Variants in MUC4 observed in about 807,000 individuals in gnomAD.
MUC4 encodes mucin 4, cell surface associated.
In MUC4, 202 loss-of-function variants were observed where a neutral mutation model predicts 257.9. The ratio of observed to expected loss-of-function variants is 0.78; its 90% CI spans 0.70 to 0.88. The LOEUF (loss-of-function observed/expected upper bound fraction) is 0.88, where lower values mean the gene tolerates loss of function less well. Among genes scored for constraint, MUC4 ranks in the 40% least tolerant of loss-of-function variants. The probability of loss-of-function intolerance (pLI) is 0.00; values close to 1 mark genes in which losing one functional copy is unlikely to be tolerated. For missense variants in MUC4, 5,976 were observed against 6,513.7 expected (o/e 0.92, Z 2.84); for synonymous variants, 2,351 against 2,757.1 (o/e 0.85, Z 4.62).
Position 195,771,045 on chromosome 3 carries a change from GTGGTTGGGTTGGGGTATT to G in MUC4, c.13242+589_13242+606del, listed in dbSNP as rs1560273247. ...GGTTGGGGTATTCCTGGTCAGTCTC[GTGGTTGGGTTGGGGTATT>G]CCTGGTCAGTCTCGTGGCCGGGTTG... On this transcript the variant is annotated intron_variant, in intron 5 of 24. Coordinates refer to ENST00000463781, the MANE Select transcript of MUC4 (RefSeq NM_018406.7). Among the ~76,000 whole-genome samples, 620 of 148,174 alleles carry G rather than the reference GTGGTTGGGTTGGGGTATT, an allele frequency of 4.2e-3. 12 individuals are homozygous for G. The highest frequency in any genetic ancestry group is 5.5e-3 in the African/African-American group (219 of 39,702).
chr3:195,797,427 T>C (rs1204372515), intron 1 of MUC4, among the ~76,000 whole-genome samples: 1 of 152,200 alleles, frequency 6.6e-6, no homozygotes, highest in African/African-American at 2.4e-5. Context: ...AGGAAAGTTA[T>C]TTGATAAAAG....
chr3:195,762,005 G>A (rs557885176), intron 14 of MUC4, 82 bp downstream of exon 14: 7 of 1,447,564 alleles, frequency 4.8e-6, no homozygotes, highest in Admixed American at 4.2e-5. Context: ...AGGCCGAGCA[G>A]GGCTGCCCGG....
Position 195,762,956 on chromosome 3 carries a change from A to G in MUC4, c.14254-11T>C. 6.5e-7 allele frequency: 1 copy of G among 1,545,438 alleles called. No individual in the cohort carries two copies. The highest frequency in any genetic ancestry group is 8.7e-7 in the Non-Finnish European group (1 of 1,143,774). Reference sequence around the variant, plus strand: ...AAGGAGCCATTGGACCTGGAAGGAGATGGGAGGGGGCCTGAGCCCGACCCG... The same window carrying G: ...AAGGAGCCATTGGACCTGGAAGGAGGTGGGAGGGGGCCTGAGCCCGACCCG... On this transcript the variant is annotated splice_polypyrimidine_tract_variant and intron_variant, in intron 12 of 24. Transcript: ENST00000463781.
At position 195,786,050 on chromosome 3, in the gene MUC4, T is replaced by C; in HGVS notation, c.5530A>G (p.Thr1844Ala). 6.6e-7 allele frequency: 1 copy of C among 1,520,602 alleles called. No individual in the cohort carries two copies. The highest frequency in any genetic ancestry group is 8.8e-7 in the Non-Finnish European group (1 of 1,130,014). 94.2% of individuals were successfully genotyped at this position (1,520,602 alleles called of 1,614,324 possible). A position where few individuals can be genotyped will look rare whatever the true frequency, so the allele number is the denominator to read the frequency against. The change falls in exon 2 of 25, where the codon ACC becomes GCC. Residue 1844 changes from threonine to alanine, a missense_variant. By Grantham distance (58) the Thr-to-Ala change is moderately conservative. Around this residue, in one of 44 missense-constraint regions of MUC4, gnomAD observed 31 missense variants for 71.1 expected, o/e 0.44. Coordinates refer to ENST00000463781, the MANE Select transcript of MUC4 (RefSeq NM_018406.7). ...STGDTTSLPV[T>A]IPSSASSGHT... ...CCTGAAGATGCTGAGGAAGGGATGG[T>C]GACAGGAAGAGAGGTGGTGTCACCT...
At chr3:195,809,223 C>T (rs570882773) in intron 1 of MUC4, among the ~76,000 whole-genome samples, 3 of 152,342 alleles carry the variant, frequency 2.0e-5, no homozygotes, top group South Asian at 2.1e-4. Flanking sequence ...ACCCTCATTG[C>T]GGCAGCTCCT....
chr3:195,776,219 TCCATACCTTCCACAC>T (rs1185966624), intron 3 of MUC4, among the ~76,000 whole-genome samples: 4 of 442 alleles, frequency 9.0e-3, no homozygotes, highest in Non-Finnish European at 0.014. Flanking sequence ...ACCTTCCACA[TCCATACCTTCCACAC>T]CCATACCTTC....
rs199910017 is a variant in MUC4 at position 195,787,103 on chromosome 3, T to G, written c.4477A>C (p.Ser1493Arg). The G allele has an allele frequency of 7.9e-7, 1 of 1,260,804 alleles. No individual in the cohort carries two copies. The highest frequency in any genetic ancestry group is 2.3e-5 in the African/African-American group (1 of 44,156). 78.1% of individuals were successfully genotyped at this position (1,260,804 alleles called of 1,614,324 possible). The change falls in exon 2 of 25, where the codon AGC becomes CGC. Residue 1493 changes from serine (S) to arginine (R), a missense_variant. Coordinates refer to ENST00000463781, the MANE Select transcript of MUC4 (RefSeq NM_018406.7). ...TGDTTPLPVTSTSSASTGHVT... is the reference protein window; with the variant it reads ...TGDTTPLPVTRTSSASTGHVT... ...TGACCTGTGGATGCTGAGGAAGTGC[T>G]AGTGACAGGAAGAGGCGTGGTGTCA...
rs779703678 is a variant in MUC4, at chr3:195,788,654, G to A, written c.2926C>T (p.Pro976Ser). Residue 976 changes from proline to serine, a missense_variant, in exon 2 of 25, where the codon CCT (proline) becomes TCT (serine). Pro to Ser is a moderately conservative substitution (Grantham distance 74, BLOSUM62 -1). Coordinates refer to ENST00000463781, the MANE Select transcript of MUC4 (RefSeq NM_018406.7). ...GAGGAAGCGTAGGTGACAGGAAGAG[G>A]GGTGGCGTTGCTGATGAGGGCCGTG... is the stretch of plus-strand genomic sequence containing the variant. ...FTTALISNAT[P>S]LPVTYASSAS... is the part of the protein sequence containing the mutation. The A allele has an allele frequency of 1.6e-5, 26 of 1,610,882 alleles. No homozygotes were observed. Among genetic ancestry groups the A allele is most frequent in the Middle Eastern group, 3.3e-4 (2 of 6,050 alleles).
chr3:195,794,797 A>T (rs1319244205), intron 1 of MUC4, among the ~76,000 whole-genome samples: 1 of 152,222 alleles, frequency 6.6e-6, no homozygotes, highest in East Asian at 1.9e-4. Flanking sequence ...TCAGACAGTA[A>T]CTTAGACTCT....
chr3:195,780,350 GGGTGA>G lies in MUC4; in HGVS notation c.11225_11229del (p.Val3742AlafsTer46). On this transcript the variant is annotated frameshift_variant, in exon 2 of 25. Coordinates refer to ENST00000463781, the MANE Select transcript of MUC4 (RefSeq NM_018406.7). LOFTEE classifies it high-confidence loss of function. ...GAGGAAGTGCTGGTGACAGGAAGAG[GGGTGA>G]CGTGACCTGTGGATGCTGAGGAAGG... is the stretch of plus-strand genomic sequence containing the variant. 1 of 1,292,514 alleles carries G rather than the reference GGGTGA, an allele frequency of 7.7e-7. No homozygotes were observed. Among genetic ancestry groups the G allele is most frequent in the Non-Finnish European group, 1.0e-6 (1 of 982,032 alleles). The allele number at this position is 1,292,514 out of a possible 1,614,324, so 80.1% of individuals were successfully genotyped here.
intron 7 of MUC4, among the ~76,000 whole-genome samples, chr3:195,768,553 T>A (rs1275470210): frequency 1.3e-5 from 2 of 152,236 alleles, no homozygotes; most frequent in Non-Finnish European, 2.9e-5. Flanking sequence ...ATGTTGCCAC[T>A]TCCCAGCTCT....
intron 7 of MUC4, among the ~76,000 whole-genome samples, chr3:195,767,879 A>ACCACCACCACCATCG: frequency 7.0e-6 from 1 of 142,054 alleles, no homozygotes; most frequent in Middle Eastern, 3.4e-3. Flanking sequence ...CACCACCATC[A>ACCACCACCACCATCG]CCACCATCAC....
At chr3:195,752,497 T>C (rs1357867417) in intron 20 of MUC4, 51 bp from the exon 21 acceptor site, 1 of 1,548,360 alleles carries the variant, frequency 6.5e-7, no homozygotes. Context: ...TACCCAGACT[T>C]ACCCAAAAAG....
chr3:195,801,812 C>T (rs372040792), intron 1 of MUC4, among the ~76,000 whole-genome samples: 11 of 151,972 alleles, frequency 7.2e-5, no homozygotes, highest in South Asian at 4.1e-4. Context: ...TGTATTGCGC[C>T]CCCCCCTCCA....
Position 195,789,451 on chromosome 3 carries a change from G to T in MUC4, c.2129C>A (p.Thr710Asn). Residue 710 changes from threonine (T) to asparagine (N), a missense_variant, in exon 2 of 25, where the codon ACC becomes AAC. Transcript: ENST00000463781. Reference protein sequence around the residue: ...TGDGHTTQAPTTALQAAPSSH... With the variant: ...TGDGHTTQAPNTALQAAPSSH... ...GCTGGGTGCTGCCTGCAGTGCTGTGGTCGGGGCCTGGGTTGTGTGACCATC... is the reference window on the plus strand; with the variant it reads ...GCTGGGTGCTGCCTGCAGTGCTGTGTTCGGGGCCTGGGTTGTGTGACCATC... The T allele has an allele frequency of 6.2e-7, 1 of 1,613,988 alleles. No homozygotes were observed.
At position 195,761,972 on chromosome 3, in the gene MUC4, G is replaced by A. The variant is rs896048778; in HGVS notation, c.14512+115C>T. The A allele has an allele frequency of 8.4e-5, 106 of 1,256,556 alleles. No homozygotes were observed. The African/African-American group carries it at 1.3e-3, about 16-fold the overall frequency. 77.8% of individuals were successfully genotyped at this position (1,256,556 alleles called of 1,614,324 possible). A position where few individuals can be genotyped will look rare whatever the true frequency, so the allele number is the denominator to read the frequency against. On this transcript the variant is annotated intron_variant, in intron 14 of 24. Transcript: ENST00000463781. Reference sequence around the variant, plus strand: ...GCCCGCTCTGTGCCCCAAGGGTTCTGCTCCAAGGAGGCGGAGAAAGGGAGG... The same window carrying A: ...GCCCGCTCTGTGCCCCAAGGGTTCTACTCCAAGGAGGCGGAGAAAGGGAGG...
chr3:195,773,579 T>C (rs1723652478), intron 4 of MUC4, among the ~76,000 whole-genome samples: 1 of 139,306 alleles, frequency 7.2e-6, no homozygotes, highest in South Asian at 2.3e-4. Flanking sequence ...GTGGACACCC[T>C]CTCGCCATCG....
At chr3:195,765,657 A>G (rs1055958991) in intron 8 of MUC4, among the ~76,000 whole-genome samples, 5 of 152,244 alleles carry the variant, frequency 3.3e-5, no homozygotes, top group African/African-American at 1.2e-4. Context: ...TGGTTGCCAC[A>G]GAACAAATAG....
At position 195,755,258 on chromosome 3, in the gene MUC4, C is replaced by A. The variant is rs906253586; in HGVS notation, c.15169-886G>T. Reference sequence around the variant, plus strand: ...TTTCCCACGCTGCAGTGCAGTGTCTCGATCTCGGCTCACTGCAATGTCCCC... The same window carrying A: ...TTTCCCACGCTGCAGTGCAGTGTCTAGATCTCGGCTCACTGCAATGTCCCC... On this transcript the variant is annotated intron_variant, in intron 18 of 24. Coordinates refer to ENST00000463781, the MANE Select transcript of MUC4 (RefSeq NM_018406.7). This position sits in a 1 kb window ranked among gnomAD's most constrained non-coding sequence, Gnocchi z 5.0. 6.6e-6 allele frequency among the ~76,000 whole-genome samples: 1 copy of A among 151,422 alleles called. No individual in the cohort carries two copies. The highest frequency in any genetic ancestry group is 6.6e-5 in the Admixed American group (1 of 15,192).
Sources: gnomAD v4.1 joint callset for allele counts (sites outside exome capture counted in the v4.1 genomes callset) on GRCh38, gnomAD v4.1.1 for gene constraint, gnomAD v4.1.1 regional missense constraint, Gnocchi (gnomAD v3.1) non-coding constraint, MANE v1.5 for transcripts, NCBI Gene and HGNC (gene_info 2026-07-23, HGNC 2026-07-21) for gene names.